Variants in XYLT1 observed in about 807,000 individuals in gnomAD.
The protein encoded by XYLT1 is beta-D-xylosyltransferase 1.
Under a neutral mutation model 91.3 loss-of-function variants are expected in XYLT1, and 36 were observed. The observed-to-expected ratio is 0.39, with a 90% confidence interval of 0.30 to 0.52. The LOEUF (loss-of-function observed/expected upper bound fraction) is 0.52, where lower values mean the gene tolerates loss of function less well. Ranked by LOEUF, XYLT1 falls within the 20% of genes least tolerant of loss-of-function variation. The pLI, the probability that XYLT1 is intolerant of heterozygous loss-of-function variation, is 0.68. For synonymous variants in XYLT1, 588 were observed against 532.0 expected, an observed-to-expected ratio of 1.11 and a Z score of -1.45; for missense variants, 1,242 against 1,284.5, an observed-to-expected ratio of 0.97 and a Z score of 0.51.
chr16:17,394,467 T>C (rs1297179925), intron 1 of XYLT1, among the ~76,000 whole-genome samples: 1 of 152,210 alleles, frequency 6.6e-6, no homozygotes, highest in African/African-American at 2.4e-5. Flanking sequence ...GGCCCAGTGA[T>C]TCCAATAGGG....
intron 3 of XYLT1, among the ~76,000 whole-genome samples, chr16:17,214,488 A>G (rs542888316): frequency 1.2e-4 from 18 of 152,164 alleles, no homozygotes; most frequent in Non-Finnish European, 2.2e-4. Context: ...CCTGTCTCCT[A>G]TGTGCTCTTT....
At chr16:17,165,027 C>T (rs971391691) in intron 5 of XYLT1, among the ~76,000 whole-genome samples, 3 of 152,198 alleles carry the variant, frequency 2.0e-5, no homozygotes, top group Non-Finnish European at 4.4e-5. Context: ...TCTCACCCTC[C>T]TGTGATCAAC....
chr16:17,311,113 A>T (rs2034541198), intron 2 of XYLT1, among the ~76,000 whole-genome samples: 1 of 152,000 alleles, frequency 6.6e-6, no homozygotes, highest in South Asian at 2.1e-4. Context: ...CCTGCTGCAA[A>T]TTTACCCGGT....
chr16:17,123,861 G>T (rs2030162618), intron 10 of XYLT1, among the ~76,000 whole-genome samples: 2 of 152,122 alleles, frequency 1.3e-5, no homozygotes, highest in South Asian at 4.2e-4. Flanking sequence ...TTTCCTGTTG[G>T]ACTAGTCCTT....
intron 5 of XYLT1, among the ~76,000 whole-genome samples, chr16:17,181,570 C>A (rs7193870): frequency 1.2e-3 from 185 of 151,952 alleles, no homozygotes; most frequent in Non-Finnish European, 4.9e-4. Flanking sequence ...AGGAAAGTAC[C>A]CTGGGGAGGG....
At position 17,103,301 on chromosome 16, in the gene XYLT1, C is replaced by T. The variant is rs913681664; in HGVS notation, c.*5394G>A. 1.3e-5 allele frequency: 2 copies of T among 152,686 alleles called. No homozygotes were observed. Among genetic ancestry groups the T allele is most frequent in the Non-Finnish European group, 2.9e-5 (2 of 68,054 alleles). The allele number at this position is 152,686 out of a possible 1,614,324, so 9.5% of individuals were successfully genotyped here. On this transcript the variant is annotated 3_prime_UTR_variant, in exon 12 of 12. Transcript: ENST00000261381. ...TGCCGATAATTAAGCCAGCCCATTA[C>T]AGCAGCAGTATGCTCTGAGAGAGTG...
intron 2 of XYLT1, among the ~76,000 whole-genome samples, chr16:17,306,557 GAT>G (rs35971345): frequency 8.1e-4 from 118 of 146,060 alleles, no homozygotes; most frequent in Admixed American, 6.9e-4. Flanking sequence ...TGTCACAAAA[GAT>G]ATATATATAT....
intron 1 of XYLT1, among the ~76,000 whole-genome samples, chr16:17,466,032 G>A (rs978683175): frequency 2.6e-5 from 4 of 152,154 alleles, no homozygotes; most frequent in Non-Finnish European, 2.9e-5. Context: ...CCGGGGCCTC[G>A]CACATACTTG....
chr16:17,225,333 G>T (rs990719871), intron 3 of XYLT1, among the ~76,000 whole-genome samples: 1 of 151,982 alleles, frequency 6.6e-6, no homozygotes, highest in Non-Finnish European at 1.5e-5. Flanking sequence ...AATTTGCAGG[G>T]CTCACTACAG....
intron 8 of XYLT1, among the ~76,000 whole-genome samples, chr16:17,136,226 C>A (rs1032553659): frequency 6.6e-6 from 1 of 152,106 alleles, no homozygotes; most frequent in Non-Finnish European, 1.5e-5. Context: ...AGAGGCAAAG[C>A]GATATGTACA....
intron 7 of XYLT1, among the ~76,000 whole-genome samples, chr16:17,138,998 G>A (rs148498065): frequency 1.0e-3 from 154 of 152,338 alleles, no homozygotes; most frequent in African/African-American, 3.5e-3. Flanking sequence ...TCGCCAGACG[G>A]CAACATAGGG....
At position 17,431,956 on chromosome 16, in the gene XYLT1, G is replaced by C. The variant is rs990617735; in HGVS notation, c.363+38478C>G. 3.3e-5 allele frequency among the ~76,000 whole-genome samples: 5 copies of C among 152,170 alleles called. No individual in the cohort carries two copies. In the East Asian group the frequency reaches 7.7e-4, roughly 23 times the overall value. On this transcript the variant is annotated intron_variant, in intron 1 of 11. Coordinates refer to ENST00000261381, the MANE Select transcript of XYLT1 (RefSeq NM_022166.4). ...GGGGATATAATGTGAAACCGGTGTG[G>C]AGGCTTTTCCTGTGTGTTATCAAGG... is the stretch of plus-strand genomic sequence containing the variant.
chr16:17,158,013 C>G (rs893046413), intron 6 of XYLT1, among the ~76,000 whole-genome samples: 12 of 136,844 alleles, frequency 8.8e-5, no homozygotes, highest in Admixed American at 5.1e-4. Flanking sequence ...TCCCAAAGTG[C>G]TGGGATTACA....
chr16:17,275,947 C>T (rs1408687978), intron 2 of XYLT1, among the ~76,000 whole-genome samples: 3 of 152,004 alleles, frequency 2.0e-5, no homozygotes, highest in African/African-American at 7.3e-5. Context: ...CTCACGGAGC[C>T]AGAGACATAA....
At chr16:17,296,311 T>C (rs750259412) in intron 2 of XYLT1, among the ~76,000 whole-genome samples, 3 of 152,192 alleles carry the variant, frequency 2.0e-5, no homozygotes, top group Non-Finnish European at 4.4e-5. Context: ...TCAGCGCGTT[T>C]ATCCCCATGT....
chr16:17,318,986 C>A (rs1051132128), intron 2 of XYLT1, among the ~76,000 whole-genome samples: 1 of 151,966 alleles, frequency 6.6e-6, no homozygotes. Flanking sequence ...CAGGGTTTCA[C>A]CATGTTGGCC....
At chr16:17,365,780 C>T (rs999811814) in intron 1 of XYLT1, among the ~76,000 whole-genome samples, 1 of 152,110 alleles carries the variant, frequency 6.6e-6, no homozygotes, top group Non-Finnish European at 1.5e-5. Flanking sequence ...ATAGAGAAAC[C>T]ACAGACTCAT....
intron 2 of XYLT1, among the ~76,000 whole-genome samples, chr16:17,345,936 G>A (rs112755806): frequency 2.0e-5 from 3 of 151,960 alleles, no homozygotes; most frequent in Non-Finnish European, 2.9e-5. Context: ...TCAGCCTCCC[G>A]AGTAGCTGGG....
At chr16:17,329,342 A>G (rs1440958978) in intron 2 of XYLT1, among the ~76,000 whole-genome samples, 5 of 152,180 alleles carry the variant, frequency 3.3e-5, no homozygotes, top group Admixed American at 2.6e-4. Flanking sequence ...TCCCTCTTTT[A>G]CCATGGGGGG....
Sources: allele counts gnomAD v4.1 joint callset (sites outside exome capture counted in the v4.1 genomes callset), GRCh38; gene constraint gnomAD v4.1.1; transcripts MANE v1.5; gene names NCBI Gene and HGNC (gene_info 2026-07-23, HGNC 2026-07-21).